DNAH11: variants seen among roughly 807,000 people sequenced by gnomAD.
The protein encoded by DNAH11 is dynein axonemal heavy chain 11.
In DNAH11, 442 loss-of-function variants were observed where a neutral mutation model predicts 526.0. The observed-to-expected ratio is 0.84, with a 90% CI of 0.78 to 0.91. The LOEUF (loss-of-function observed/expected upper bound fraction) is 0.91, where lower values mean the gene tolerates loss of function less well. Ranked by LOEUF, DNAH11 falls within the 40% of genes least tolerant of loss-of-function variation. The pLI is 0.00. For missense variants in DNAH11, 6,989 were observed against 5,448.7 expected, an observed-to-expected ratio of 1.28 and a Z score of -8.90; for synonymous variants, 2,461 against 1,935.9, an observed-to-expected ratio of 1.27 and a Z score of -7.12.
chr7:21,867,193 G>C (rs559754725), intron 71 of DNAH11, among the ~76,000 whole-genome samples: 12 of 152,274 alleles, frequency 7.9e-5, no homozygotes, highest in African/African-American at 2.4e-4. Flanking sequence ...GTAATGTGCT[G>C]CTTAATTCAC....
chr7:21,898,837 C>T (rs1225581174), intron 79 of DNAH11, among the ~76,000 whole-genome samples: 3 of 152,218 alleles, frequency 2.0e-5, no homozygotes, highest in Non-Finnish European at 2.9e-5. Flanking sequence ...CAGGCAGCTA[C>T]TGCACGTGCT....
chr7:21,582,310 C>G (rs1212521564), intron 9 of DNAH11, among the ~76,000 whole-genome samples: 2 of 152,172 alleles, frequency 1.3e-5, no homozygotes, highest in Non-Finnish European at 2.9e-5. Context: ...AATATTGATT[C>G]AAAATTAAGT....
Position 21,864,525 on chromosome 7 carries a change from T to C in DNAH11, c.11374-10T>C, listed in dbSNP as rs772243775. On this transcript the variant is annotated splice_polypyrimidine_tract_variant and intron_variant, in intron 69 of 81. Transcript: ENST00000409508. The stretch of plus-strand genomic sequence containing the variant: ...CCTAATAATCCTTTTCAATTTTGTC[T>C]ACTCTCAAGATTTTGTTGAGAAAGA... The C allele has an allele frequency of 8.7e-6, 14 of 1,609,022 alleles. No individual in the cohort carries two copies. In the Admixed American group the frequency reaches 1.2e-4, roughly 14 times the overall value.
intron 54 of DNAH11, among the ~76,000 whole-genome samples, chr7:21,763,723 A>T (rs1787034672): frequency 6.6e-6 from 1 of 150,528 alleles, no homozygotes; most frequent in Non-Finnish European, 1.5e-5. Flanking sequence ...CTGCAGCGTT[A>T]TTCACGATAG....
intron 41 of DNAH11, among the ~76,000 whole-genome samples, chr7:21,711,459 T>C (rs1784461189): frequency 6.6e-6 from 1 of 152,234 alleles, no homozygotes; most frequent in African/African-American, 2.4e-5. Context: ...ATACATGTCT[T>C]ATATTTGGCT....
intron 65 of DNAH11, among the ~76,000 whole-genome samples, chr7:21,837,978 A>G (rs1782057750): frequency 6.6e-6 from 1 of 152,226 alleles, no homozygotes; most frequent in East Asian, 1.9e-4. Context: ...AATTAAAAAC[A>G]GTTTTTAAAA....
At chr7:21,680,790 A>T (rs966445155) in intron 30 of DNAH11, among the ~76,000 whole-genome samples, 7 of 152,252 alleles carry the variant, frequency 4.6e-5, no homozygotes, top group African/African-American at 1.7e-4. Context: ...TTTTTTCAGT[A>T]GTCATCACTA....
At chr7:21,896,388 T>C (rs1784517461) in intron 79 of DNAH11, among the ~76,000 whole-genome samples, 1 of 152,212 alleles carries the variant, frequency 6.6e-6, no homozygotes, top group Non-Finnish European at 1.5e-5. Flanking sequence ...TTATTTTTCC[T>C]TCAGCACTTT....
chr7:21,618,677 A>C (rs1298751961), intron 23 of DNAH11, among the ~76,000 whole-genome samples: 1 of 152,224 alleles, frequency 6.6e-6, no homozygotes, highest in African/African-American at 2.4e-5. Flanking sequence ...AGGTTAAATC[A>C]CAGAAGCAGC....
At chr7:21,797,776 A>G (rs1788784356) in intron 61 of DNAH11, among the ~76,000 whole-genome samples, 1 of 152,200 alleles carries the variant, frequency 6.6e-6, no homozygotes, top group African/African-American at 2.4e-5. Context: ...TTACATGCCA[A>G]GGGCCAACTT....
intron 17 of DNAH11, 26 bp downstream of exon 17, chr7:21,601,205 A>T: frequency 6.3e-7 from 1 of 1,575,206 alleles, no homozygotes; most frequent in Non-Finnish European, 8.6e-7. Context: ...GGTTTTTGGA[A>T]TTATAACTTT....
At chr7:21,771,425 G>C (rs1313920862) in intron 55 of DNAH11, among the ~76,000 whole-genome samples, 1 of 152,212 alleles carries the variant, frequency 6.6e-6, no homozygotes, top group Non-Finnish European at 1.5e-5. Context: ...TGGTGTGGCA[G>C]AGACTACTCC....
chr7:21,851,727 G>A (rs911630026), intron 66 of DNAH11: 6 of 463,620 alleles, frequency 1.3e-5, no homozygotes, highest in South Asian at 4.7e-5. Flanking sequence ...CAGTGTTCCC[G>A]AGAAGCTGTG....
chr7:21,608,800 T>C (rs568643003), intron 20 of DNAH11, among the ~76,000 whole-genome samples: 3 of 151,646 alleles, frequency 2.0e-5, no homozygotes, highest in African/African-American at 7.3e-5. Flanking sequence ...GTTCATGCTA[T>C]ACTATAACAG....
Position 21,617,608 on chromosome 7 carries a change from C to G in DNAH11, c.4096-11C>G. 6.2e-7 allele frequency: 1 copy of G among 1,613,448 alleles called. No individual in the cohort carries two copies. The highest frequency in any genetic ancestry group is 8.5e-7 in the Non-Finnish European group (1 of 1,179,634). On this transcript the variant is annotated splice_polypyrimidine_tract_variant and intron_variant, in intron 22 of 81. Transcript: ENST00000409508. ...CTTGGGAGCTAGGTTTTTTCCTCCA[C>G]TTTTCTTTAGGAAATTTGGTCACTC...
chr7:21,836,377 G>T (rs150439519), intron 65 of DNAH11, among the ~76,000 whole-genome samples: 1 of 152,160 alleles, frequency 6.6e-6, no homozygotes, highest in African/African-American at 2.4e-5. Context: ...CACCAAAAGA[G>T]CATGGCACTT....
At chr7:21,641,231 C>T (rs10274168) in intron 28 of DNAH11, among the ~76,000 whole-genome samples, 5,504 of 152,258 alleles carry the variant, frequency 0.036, 318 homozygotes, top group African/African-American at 0.13. Flanking sequence ...TCCTATTCCT[C>T]TTCCTTGACC....
chr7:21,699,222 G>A (rs1163845190), intron 36 of DNAH11, among the ~76,000 whole-genome samples: 1 of 152,038 alleles, frequency 6.6e-6, no homozygotes, highest in Non-Finnish European at 1.5e-5. Flanking sequence ...TAAAGGTAGG[G>A]TTGACTGGTT....
At chr7:21,622,581 T>C (rs554977795) in intron 25 of DNAH11, among the ~76,000 whole-genome samples, 2 of 152,178 alleles carry the variant, frequency 1.3e-5, no homozygotes. Flanking sequence ...ACTACAAGGC[T>C]ACAGTAACCA....
Sources: allele counts gnomAD v4.1 joint callset (sites outside exome capture counted in the v4.1 genomes callset), GRCh38; gene constraint gnomAD v4.1.1; transcripts MANE v1.5; gene names NCBI Gene and HGNC (gene_info 2026-07-23, HGNC 2026-07-21).